PARD3B: variants seen among roughly 807,000 people sequenced by gnomAD.
PARD3B encodes partitioning defective 3 homolog B.
Under a neutral mutation model 130.2 loss-of-function variants are expected in PARD3B, and 103 were observed. The ratio of observed to expected loss-of-function variants is 0.79; its 90% confidence interval spans 0.67 to 0.93. The LOEUF is 0.93. PARD3B is among the 40% of genes least tolerant of loss of function. PARD3B has a pLI of 0.00. For missense variants in PARD3B, 1,609 were observed against 1,499.2 expected (o/e 1.07, Z -1.21); for synonymous variants, 583 against 553.2 (o/e 1.05, Z -0.76).
intron 1 of PARD3B, among the ~76,000 whole-genome samples, chr2:204,596,559 A>G (rs561059453): frequency 1.3e-4 from 20 of 152,284 alleles, no homozygotes; most frequent in African/African-American, 4.6e-4. Flanking sequence ...AGAAAAGTAT[A>G]TGAAGTGTTG....
rs1366680485 is a variant in PARD3B, at chr2:204,853,059, G to A, written c.223-112093G>A. Among the ~76,000 whole-genome samples, 3 of 152,150 alleles carry A rather than the reference G, an allele frequency of 2.0e-5. No individual in the cohort carries two copies. In the South Asian group the frequency reaches 6.2e-4, roughly 32 times the overall value. ...TATCAAAATATTCATGAATTTGATA[G>A]AAAGTGTTTCTGTTCATTGGCATTA... On this transcript the variant is annotated intron_variant, in intron 2 of 22. Coordinates refer to ENST00000406610, the MANE Select transcript of PARD3B (RefSeq NM_001302769.2).
chr2:204,605,601 A>G (rs1247432238), intron 1 of PARD3B, among the ~76,000 whole-genome samples: 1 of 152,114 alleles, frequency 6.6e-6, no homozygotes, highest in Admixed American at 6.5e-5. Flanking sequence ...TGATGGAAGT[A>G]TAGTGTAGAG....
At chr2:205,207,488 A>T (rs1049714919) in intron 15 of PARD3B, among the ~76,000 whole-genome samples, 8 of 145,964 alleles carry the variant, frequency 5.5e-5, no homozygotes, top group African/African-American at 2.1e-4. Flanking sequence ...AATAAAGAAA[A>T]AAAGAGAGAT....
chr2:205,232,357 G>A (rs2038880742), intron 15 of PARD3B, among the ~76,000 whole-genome samples: 1 of 152,106 alleles, frequency 6.6e-6, no homozygotes, highest in Non-Finnish European at 1.5e-5. Context: ...GAGGCTTGAG[G>A]CCAGGAGTTC....
chr2:205,331,949 C>G (rs2043150216), intron 18 of PARD3B, among the ~76,000 whole-genome samples: 1 of 151,640 alleles, frequency 6.6e-6, no homozygotes, highest in South Asian at 2.1e-4. Context: ...ACTAAAAATA[C>G]AAAAAATTAG....
intron 21 of PARD3B, among the ~76,000 whole-genome samples, chr2:205,522,030 C>G (rs530195024): frequency 1.3e-5 from 2 of 151,778 alleles, no homozygotes; most frequent in South Asian, 4.2e-4. Context: ...TTTTGGAAAT[C>G]TGCCTTTTCT....
intron 2 of PARD3B, among the ~76,000 whole-genome samples, chr2:204,737,893 T>C (rs971780646): frequency 1.7e-4 from 26 of 152,346 alleles, no homozygotes; most frequent in African/African-American, 5.8e-4. Context: ...TTTGGCTTTA[T>C]TTCTGGGTTC....
intron 1 of PARD3B, among the ~76,000 whole-genome samples, chr2:204,683,475 A>G (rs1389827737): frequency 1.3e-5 from 2 of 152,186 alleles, no homozygotes; most frequent in Non-Finnish European, 2.9e-5. Context: ...TTTTACATGC[A>G]TTAAAGAGTC....
chr2:204,931,542 C>T (rs1559271425), intron 2 of PARD3B, among the ~76,000 whole-genome samples: 1 of 150,884 alleles, frequency 6.6e-6, no homozygotes, highest in African/African-American at 2.4e-5. Context: ...AGCCATTGTC[C>T]TTGTAACATG....
intron 2 of PARD3B, among the ~76,000 whole-genome samples, chr2:204,933,346 T>A (rs552708326): frequency 8.5e-5 from 13 of 152,198 alleles, no homozygotes; most frequent in Non-Finnish European, 1.5e-4. Flanking sequence ...TTGATGACAC[T>A]CTGATAGATC....
At chr2:205,198,618 A>G (rs1397430845) in intron 15 of PARD3B, among the ~76,000 whole-genome samples, 1 of 152,194 alleles carries the variant, frequency 6.6e-6, no homozygotes, top group African/African-American at 2.4e-5. Context: ...CATTTTGAAT[A>G]TGAAACCTTT....
At chr2:205,543,990 A>AGAATT (rs1479760793) in intron 21 of PARD3B, among the ~76,000 whole-genome samples, 1 of 152,230 alleles carries the variant, frequency 6.6e-6, no homozygotes, top group Non-Finnish European at 1.5e-5. Flanking sequence ...ATATCATTTA[A>AGAATT]GAATTGAACA....
chr2:204,881,365 T>C (rs2046039821), intron 2 of PARD3B, among the ~76,000 whole-genome samples: 1 of 152,222 alleles, frequency 6.6e-6, no homozygotes, highest in Admixed American at 6.5e-5. Context: ...GATCTACACG[T>C]TGATAAATCT....
chr2:205,347,705 T>C (rs1276980304), intron 18 of PARD3B: 2 of 152,336 alleles, frequency 1.3e-5, no homozygotes, highest in African/African-American at 2.4e-5. Context: ...TTCCATTTCA[T>C]TTGATGTCTT....
chr2:205,572,862 A>C lies in PARD3B; in HGVS notation c.3260+19459A>C, dbSNP rs532154821. ...AAATGAGGACATAAGTGGGTGTATT[A>C]GTCCATTTTCATGCTGCTAATAAAA... On this transcript the variant is annotated intron_variant, in intron 22 of 22. Coordinates refer to ENST00000406610, the MANE Select transcript of PARD3B (RefSeq NM_001302769.2). This position sits in a 1 kb window ranked among gnomAD's most constrained non-coding sequence, Gnocchi z 4.2. Among the ~76,000 whole-genome samples the C allele has an allele frequency of 2.4e-4, 37 of 152,336 alleles. No individual in the cohort carries two copies. The highest frequency in any genetic ancestry group is 8.7e-4 in the African/African-American group (36 of 41,586).
chr2:204,596,412 A>G (rs1340337854), intron 1 of PARD3B, among the ~76,000 whole-genome samples: 1 of 152,046 alleles, frequency 6.6e-6, no homozygotes, highest in Non-Finnish European at 1.5e-5. Context: ...TTTCTGTGTA[A>G]TAGTGGAGCC....
At chr2:205,123,720 G>A (rs1370510538) in intron 8 of PARD3B, among the ~76,000 whole-genome samples, 1 of 151,496 alleles carries the variant, frequency 6.6e-6, no homozygotes, top group Non-Finnish European at 1.5e-5. Flanking sequence ...ATGGTCGCGG[G>A]TAGGTCACTG....
intron 20 of PARD3B, among the ~76,000 whole-genome samples, chr2:205,474,071 A>G (rs2048942925): frequency 6.6e-6 from 1 of 151,976 alleles, no homozygotes; most frequent in Non-Finnish European, 1.5e-5. Flanking sequence ...GTAGAAGAGA[A>G]AGCTTTCCTA....
intron 15 of PARD3B, among the ~76,000 whole-genome samples, chr2:205,223,125 G>A (rs1236855562): frequency 6.6e-6 from 1 of 152,224 alleles, no homozygotes; most frequent in East Asian, 1.9e-4. Context: ...TGTGAGATCA[G>A]CGGCATTTTC....
Sources: gnomAD v4.1 joint callset for allele counts (sites outside exome capture counted in the v4.1 genomes callset) on GRCh38, gnomAD v4.1.1 for gene constraint, Gnocchi (gnomAD v3.1) non-coding constraint, MANE v1.5 for transcripts, NCBI Gene and HGNC (gene_info 2026-07-23, HGNC 2026-07-21) for gene names.